MAL2: variants seen among roughly 807,000 people sequenced by gnomAD.
MAL2 encodes the protein mal, T cell differentiation protein 2.
In MAL2, 17 loss-of-function variants were observed where a neutral mutation model predicts 18.1. The ratio of observed to expected loss-of-function variants is 0.94; its 90% CI spans 0.64 to 1.41. The LOEUF is 1.41. MAL2 is among the 40% of genes most tolerant of loss of function. The probability of loss-of-function intolerance (pLI) is 0.00; values close to 1 mark genes in which losing one functional copy is unlikely to be tolerated. For missense variants in MAL2, 222 were observed against 231.9 expected (o/e 0.96, Z 0.28); for synonymous variants, 102 against 102.3 (o/e 1.00, Z 0.02).
At chr8:119,242,803 G>A (rs1026287634) in intron 3 of MAL2, among the ~76,000 whole-genome samples, 12 of 152,166 alleles carry the variant, frequency 7.9e-5, no homozygotes, top group African/African-American at 2.9e-4. Context: ...AGCCCCAAAA[G>A]GGTGAGGACA....
intron 3 of MAL2, among the ~76,000 whole-genome samples, chr8:119,241,802 T>C (rs767113230): frequency 2.0e-5 from 3 of 152,182 alleles, no homozygotes; most frequent in Non-Finnish European, 4.4e-5. Flanking sequence ...ATAAAAGAAA[T>C]AAAGGTTTTA....
intron 2 of MAL2, among the ~76,000 whole-genome samples, chr8:119,234,979 GAGA>G (rs1266490343): frequency 2.0e-5 from 3 of 152,048 alleles, no homozygotes; most frequent in South Asian, 2.1e-4. Flanking sequence ...GACGAGCTGA[GAGA>G]AGAAGGCTTC....
At chr8:119,232,685 A>G (rs1817758910) in intron 2 of MAL2, among the ~76,000 whole-genome samples, 1 of 152,234 alleles carries the variant, frequency 6.6e-6, no homozygotes, top group Non-Finnish European at 1.5e-5. Context: ...ATAACTGCTC[A>G]AAAATAAAAT....
At chr8:119,217,232 G>T (rs1471114715) in intron 1 of MAL2, among the ~76,000 whole-genome samples, 1 of 152,148 alleles carries the variant, frequency 6.6e-6, no homozygotes, top group African/African-American at 2.4e-5. Flanking sequence ...ATACCTTTCT[G>T]GTCTGCAGAG....
Position 119,240,338 on chromosome 8 carries a change from A to G in MAL2, c.459+18A>G, listed in dbSNP as rs758174852. 3.6e-5 allele frequency: 58 copies of G among 1,610,400 alleles called. No individual in the cohort carries two copies. Among genetic ancestry groups the G allele is most frequent in the Admixed American group, 1.7e-4 (10 of 59,748 alleles). On this transcript the variant is annotated intron_variant, in intron 3 of 3. Coordinates refer to ENST00000614891, the MANE Select transcript of MAL2 (RefSeq NM_052886.3). Reference sequence around the variant, plus strand: ...CAGCCTCAGTAAGTATTCATATTCAATGAGTACCATTCACCAGCACTTCCG... The same window carrying G: ...CAGCCTCAGTAAGTATTCATATTCAGTGAGTACCATTCACCAGCACTTCCG...
chr8:119,239,591 T>TA (rs1386403960), intron 2 of MAL2, among the ~76,000 whole-genome samples: 2 of 151,792 alleles, frequency 1.3e-5, no homozygotes, highest in African/African-American at 2.4e-5. Context: ...TATGCAGCCA[T>TA]AAAAAATGAT....
intron 2 of MAL2, among the ~76,000 whole-genome samples, chr8:119,235,207 C>G (rs1817852400): frequency 6.6e-6 from 1 of 152,020 alleles, no homozygotes; most frequent in African/African-American, 2.4e-5. Context: ...GAAAGGGTAT[C>G]AGCAATAGAA....
chr8:119,224,248 G>A (rs1177802454), intron 2 of MAL2: 1 of 152,002 alleles, frequency 6.6e-6, no homozygotes, highest in Non-Finnish European at 1.5e-5. Context: ...CTAAATACTT[G>A]CCTCATTCTA....
At chr8:119,219,177 G>C (rs1467850635) in intron 1 of MAL2, among the ~76,000 whole-genome samples, 1 of 152,000 alleles carries the variant, frequency 6.6e-6, no homozygotes, top group Non-Finnish European at 1.5e-5. Flanking sequence ...TGGATCAATT[G>C]TTAATTTTTT....
At chr8:119,224,700 C>T (rs950303378) in intron 2 of MAL2, among the ~76,000 whole-genome samples, 1 of 152,124 alleles carries the variant, frequency 6.6e-6, no homozygotes, top group Non-Finnish European at 1.5e-5. Flanking sequence ...CTCCTCTCCC[C>T]ACCCACTCCT....
At position 119,217,805 on chromosome 8, in the gene MAL2, C is replaced by T. The variant is rs988562832; in HGVS notation, c.133-3782C>T. Among the ~76,000 whole-genome samples the T allele has an allele frequency of 2.0e-5, 3 of 152,104 alleles. No individual in the cohort carries two copies. In the South Asian group the frequency reaches 6.2e-4, roughly 32 times the overall value. ...CTAAAAATATGGCCACCTCCAGAGT[C>T]GTCTCTACTGAACAGGAATGCTGAT... On this transcript the variant is annotated intron_variant, in intron 1 of 3. Transcript: ENST00000614891.
Position 119,224,756 on chromosome 8 carries a change from C to T in MAL2, c.303+2999C>T, listed in dbSNP as rs1817548568. On this transcript the variant is annotated intron_variant, in intron 2 of 3. Coordinates refer to ENST00000614891, the MANE Select transcript of MAL2 (RefSeq NM_052886.3). ...ACCACTCTGTATGCCTTTGCATGCC[C>T]ATGGCTTGGTTCCCACTTACAACTG... Among the ~76,000 whole-genome samples, 3 of 152,244 alleles carry T rather than the reference C, an allele frequency of 2.0e-5. No homozygotes were observed. In the South Asian group the frequency reaches 6.2e-4, roughly 32 times the overall value.
chr8:119,238,000 C>T lies in MAL2; in HGVS notation c.304-2165C>T, dbSNP rs1202221588. ...AGGAAAAGAGGAAGTCATATTGTCC[C>T]TGTTTGCAGATGACATGATTGTATA... On this transcript the variant is annotated intron_variant, in intron 2 of 3. Coordinates refer to ENST00000614891, the MANE Select transcript of MAL2 (RefSeq NM_052886.3). 3.3e-5 allele frequency among the ~76,000 whole-genome samples: 5 copies of T among 152,220 alleles called. No homozygotes were observed. The East Asian group carries it at 9.6e-4, about 29-fold the overall frequency.
At chr8:119,230,549 G>A (rs1019909932) in intron 2 of MAL2, among the ~76,000 whole-genome samples, 1 of 152,008 alleles carries the variant, frequency 6.6e-6, no homozygotes, top group African/African-American at 2.4e-5. Context: ...TGCTTCCTAG[G>A]GACCAAAATG....
intron 2 of MAL2, among the ~76,000 whole-genome samples, chr8:119,234,017 C>G (rs868830030): frequency 6.6e-6 from 1 of 152,128 alleles, no homozygotes; most frequent in African/African-American, 2.4e-5. Flanking sequence ...ACGCAGAAGA[C>G]GGATGATTTC....
intron 1 of MAL2, among the ~76,000 whole-genome samples, chr8:119,212,241 A>G (rs1817278491): frequency 6.6e-6 from 1 of 152,246 alleles, no homozygotes; most frequent in Non-Finnish European, 1.5e-5. Context: ...TGAATTTTTA[A>G]TAGTATTAAT....
At chr8:119,232,418 G>T (rs986007753) in intron 2 of MAL2, among the ~76,000 whole-genome samples, 1 of 152,074 alleles carries the variant, frequency 6.6e-6, no homozygotes, top group Admixed American at 6.6e-5. Flanking sequence ...ATGCACATAA[G>T]GTACCTGATA....
At chr8:119,215,924 G>A (rs1490737731) in intron 1 of MAL2, among the ~76,000 whole-genome samples, 1 of 152,094 alleles carries the variant, frequency 6.6e-6, no homozygotes, top group African/African-American at 2.4e-5. Context: ...TGTATGTGTT[G>A]GCTAAGTATG....
Position 119,208,902 on chromosome 8 carries a change from G to A in MAL2, c.132+298G>A, listed in dbSNP as rs778785673. 12 of 245,448 alleles carry A rather than the reference G, an allele frequency of 4.9e-5. No individual in the cohort carries two copies. The highest frequency in any genetic ancestry group is 8.3e-5 in the Non-Finnish European group (11 of 133,156). The allele number at this position is 245,448 out of a possible 1,614,324, so 15.2% of individuals were successfully genotyped here. On this transcript the variant is annotated intron_variant, in intron 1 of 3. Coordinates refer to ENST00000614891, the MANE Select transcript of MAL2 (RefSeq NM_052886.3). This position sits in a 1 kb window ranked among gnomAD's most constrained non-coding sequence, Gnocchi z 4.3. Reference sequence around the variant, plus strand: ...GGACGTGGAGGAAAGAAAGGTGTTGGGGCTCAGAGGCGCCTTTAGAAACCC... The same window carrying A: ...GGACGTGGAGGAAAGAAAGGTGTTGAGGCTCAGAGGCGCCTTTAGAAACCC...
Sources: allele counts gnomAD v4.1 joint callset (sites outside exome capture counted in the v4.1 genomes callset), GRCh38; gene constraint gnomAD v4.1.1; non-coding constraint Gnocchi (gnomAD v3.1); transcripts MANE v1.5; gene names NCBI Gene and HGNC (gene_info 2026-07-23, HGNC 2026-07-21).